MMS22L: variants seen among roughly 807,000 people sequenced by gnomAD.
MMS22L encodes the protein protein MMS22-like.
MMS22L carries 74 observed loss-of-function variants against 159.1 expected under a neutral mutation model. The observed-to-expected ratio is 0.47, with a 90% CI of 0.39 to 0.56. The LOEUF (loss-of-function observed/expected upper bound fraction) is 0.56, where lower values mean the gene tolerates loss of function less well. Among genes scored for constraint, MMS22L ranks in the 20% least tolerant of loss-of-function variants. The pLI, the probability that MMS22L is intolerant of heterozygous loss-of-function variation, is 0.00. For missense variants in MMS22L, 1,351 were observed against 1,422.1 expected (o/e 0.95, Z 0.80); for synonymous variants, 517 against 506.9 (o/e 1.02, Z -0.27).
chr6:97,212,980 C>T (rs998803367), intron 14 of MMS22L, among the ~76,000 whole-genome samples: 8 of 152,086 alleles, frequency 5.3e-5, no homozygotes, highest in African/African-American at 1.4e-4. Flanking sequence ...GGTTAAATGT[C>T]GTTTGATTTA....
intron 22 of MMS22L, among the ~76,000 whole-genome samples, chr6:97,153,008 T>A (rs1801475680): frequency 6.6e-6 from 1 of 151,832 alleles, no homozygotes; most frequent in Non-Finnish European, 1.5e-5. Flanking sequence ...GCTAATTTTT[T>A]AAAAAAGCTT....
At chr6:97,250,991 T>C (rs1168424484) in intron 10 of MMS22L, among the ~76,000 whole-genome samples, 2 of 152,204 alleles carry the variant, frequency 1.3e-5, no homozygotes, top group Non-Finnish European at 2.9e-5. Context: ...TTCAAAATTC[T>C]AAACAGATTC....
chr6:97,165,096 T>A lies in MMS22L; in HGVS notation c.3221+150A>T, dbSNP rs933658605. 11 of 644,422 alleles carry A rather than the reference T, an allele frequency of 1.7e-5. No homozygotes were observed. In the African/African-American group the frequency reaches 1.8e-4, roughly 11 times the overall value. 39.9% of individuals were successfully genotyped at this position (644,422 alleles called of 1,614,324 possible). A position where few individuals can be genotyped will look rare whatever the true frequency, so the allele number is the denominator to read the frequency against. The stretch of plus-strand genomic sequence containing the variant: ...CTGCCATAAGCAAATGTCATTTTAA[T>A]AAAATCTTAGATAATGCTTCTCAGG... On this transcript the variant is annotated intron_variant, in intron 21 of 24. Coordinates refer to ENST00000683635, the MANE Select transcript of MMS22L (RefSeq NM_001350599.2).
intron 14 of MMS22L, among the ~76,000 whole-genome samples, chr6:97,224,303 C>T (rs1412369601): frequency 6.6e-6 from 1 of 151,924 alleles, no homozygotes; most frequent in Non-Finnish European, 1.5e-5. Context: ...GAATAGTGTC[C>T]CACAGACTAA....
chr6:97,218,838 T>C (rs1246146626), intron 14 of MMS22L, among the ~76,000 whole-genome samples: 1 of 152,094 alleles, frequency 6.6e-6, no homozygotes, highest in Non-Finnish European at 1.5e-5. Flanking sequence ...CCCAAAATCA[T>C]GGAGGAAGGT....
chr6:97,157,397 A>T (rs962885945), intron 22 of MMS22L, among the ~76,000 whole-genome samples: 12 of 152,194 alleles, frequency 7.9e-5, no homozygotes, highest in African/African-American at 2.7e-4. Context: ...GTCTTATGCC[A>T]GTTTTCAAAG....
intron 11 of MMS22L, among the ~76,000 whole-genome samples, chr6:97,245,304 T>A (rs1183899411): frequency 6.6e-6 from 1 of 152,042 alleles, no homozygotes; most frequent in Non-Finnish European, 1.5e-5. Flanking sequence ...CACAAGCAGT[T>A]ACAACCTAAC....
At chr6:97,187,631 A>G (rs1411229072) in intron 14 of MMS22L, among the ~76,000 whole-genome samples, 2 of 152,160 alleles carry the variant, frequency 1.3e-5, no homozygotes, top group African/African-American at 4.8e-5. Context: ...GAAATTATGG[A>G]GAAGACTTCC....
intron 22 of MMS22L, among the ~76,000 whole-genome samples, chr6:97,160,598 T>C (rs1311907224): frequency 6.6e-6 from 1 of 152,058 alleles, no homozygotes; most frequent in Admixed American, 6.6e-5. Flanking sequence ...TTTTTGCATT[T>C]ACCTTACCTG....
chr6:97,239,367 T>G (rs6913901), intron 11 of MMS22L, among the ~76,000 whole-genome samples: 29,916 of 152,134 alleles, frequency 0.2, 3,887 homozygotes, highest in Non-Finnish European at 0.28. Context: ...CAATGAGGCT[T>G]TTAAAAAGCA....
At chr6:97,196,152 C>T (rs1051652135) in intron 14 of MMS22L, among the ~76,000 whole-genome samples, 1 of 152,104 alleles carries the variant, frequency 6.6e-6, no homozygotes, top group African/African-American at 2.4e-5. Context: ...CTGTTAATTA[C>T]ATGAGCCATT....
At chr6:97,232,119 CA>C (rs1484929827) in intron 12 of MMS22L, among the ~76,000 whole-genome samples, 1 of 152,018 alleles carries the variant, frequency 6.6e-6, no homozygotes, top group African/African-American at 2.4e-5. Context: ...GAGGTTTCAT[CA>C]GATTTATGTT....
intron 12 of MMS22L, 27 bp from the exon 13 acceptor site, chr6:97,231,679 A>T (rs1007079638): frequency 6.7e-7 from 1 of 1,489,056 alleles, no homozygotes. Flanking sequence ...AAAAGATAGA[A>T]AACAATTATT....
chr6:97,246,486 G>T (rs566777347), intron 11 of MMS22L, 142 bp downstream of exon 11: 77 of 609,420 alleles, frequency 1.3e-4, no homozygotes, highest in Middle Eastern at 7.0e-4. Flanking sequence ...ATCACTAAAA[G>T]AAACTACTGT....
intron 4 of MMS22L, among the ~76,000 whole-genome samples, chr6:97,273,457 A>G (rs1815955521): frequency 1.3e-5 from 2 of 152,110 alleles, no homozygotes; most frequent in South Asian, 4.1e-4. Flanking sequence ...TACTCTCTGT[A>G]TATCTCTTCC....
At chr6:97,214,640 A>T (rs1808769157) in intron 14 of MMS22L, among the ~76,000 whole-genome samples, 1 of 151,322 alleles carries the variant, frequency 6.6e-6, no homozygotes. Context: ...TAGGAGTAAA[A>T]TGAAACAAAG....
chr6:97,255,391 C>T (rs6920051), intron 9 of MMS22L, among the ~76,000 whole-genome samples: 97,873 of 151,832 alleles, frequency 0.64, 33,046 homozygotes, highest in Non-Finnish European at 0.76. Flanking sequence ...ATTTTTGTAA[C>T]CATCTTAAGT....
Position 97,254,545 on chromosome 6 carries a change from A to G in MMS22L, c.1119+12T>C. On this transcript the variant is annotated intron_variant, in intron 10 of 24. Coordinates refer to ENST00000683635, the MANE Select transcript of MMS22L (RefSeq NM_001350599.2). ...GACAATATAAGAAAGTTTTTAAAAAATGAAGTCTTACCATTTCATCTGGTA... is the reference window on the plus strand; with the variant it reads ...GACAATATAAGAAAGTTTTTAAAAAGTGAAGTCTTACCATTTCATCTGGTA... 2 of 1,607,978 alleles carry G rather than the reference A, an allele frequency of 1.2e-6. No individual in the cohort carries two copies. Among genetic ancestry groups the G allele is most frequent in the African/African-American group, 2.7e-5 (2 of 74,812 alleles).
Position 97,146,494 on chromosome 6 carries a change from T to A in MMS22L, c.*312A>T. On this transcript the variant is annotated 3_prime_UTR_variant, in exon 25 of 25. Transcript: ENST00000683635. ...AAGTCATACTACAACAAAAAGTCTA[T>A]GGATGAAGTATCTGCTTAATACTCA... 1 of 176,412 alleles carries A rather than the reference T, an allele frequency of 5.7e-6. No homozygotes were observed. The highest frequency in any genetic ancestry group is 1.2e-5 in the Non-Finnish European group (1 of 84,352). The allele number at this position is 176,412 out of a possible 1,614,324, so 10.9% of individuals were successfully genotyped here.
Sources: allele counts gnomAD v4.1 joint callset (sites outside exome capture counted in the v4.1 genomes callset), GRCh38; gene constraint gnomAD v4.1.1; transcripts MANE v1.5; gene names NCBI Gene and HGNC (gene_info 2026-07-23, HGNC 2026-07-21).